Variants in UBTD1 observed in about 807,000 individuals in gnomAD.
The protein encoded by UBTD1 is ubiquitin domain containing 1.
In UBTD1, 19 loss-of-function variants were observed where a neutral mutation model predicts 21.7. That is an observed-to-expected ratio of 0.87 (90% CI 0.61 to 1.28). UBTD1 has a LOEUF of 1.28. UBTD1 is among the 50% of genes most tolerant of loss of function. UBTD1 has a pLI of 0.00. For missense variants in UBTD1, 282 were observed against 315.1 expected (o/e 0.89, Z 0.80); for synonymous variants, 116 against 135.1 (o/e 0.86, Z 0.98).
At chr10:97,526,637 G>A (rs931774096) in intron 1 of UBTD1, among the ~76,000 whole-genome samples, 3 of 152,130 alleles carry the variant, frequency 2.0e-5, no homozygotes, top group Non-Finnish European at 2.9e-5. Flanking sequence ...TATCATTTGG[G>A]GTCAGGAATT....
chr10:97,570,574 AC>A lies in UBTD1; in HGVS notation c.*54del. The A allele has an allele frequency of 6.5e-7, 1 of 1,537,262 alleles. No individual in the cohort carries two copies. The highest frequency in any genetic ancestry group is 1.4e-5 in the African/African-American group (1 of 73,086). On this transcript the variant is annotated 3_prime_UTR_variant, in exon 3 of 3. Coordinates refer to ENST00000370664, the MANE Select transcript of UBTD1 (RefSeq NM_024954.5). This position sits in a 1 kb window ranked among gnomAD's most constrained non-coding sequence, Gnocchi z 6.6. ...GCCCCGCCTGGAGCACTAGGCCCCC[AC>A]CCTGCTGCTGCCTTCCAGTGCTGTC...
chr10:97,534,587 A>G lies in UBTD1; in HGVS notation c.71-33327A>G, dbSNP rs1307222460. Among the ~76,000 whole-genome samples the G allele has an allele frequency of 1.3e-3, 187 of 144,934 alleles. 1 individual carries two copies. Among genetic ancestry groups the G allele is most frequent in the Middle Eastern group, 6.9e-3 (2 of 288 alleles). On this transcript the variant is annotated intron_variant, in intron 1 of 2. Transcript: ENST00000370664. ...AACACACACGCGCGCGCGCACACACACACACACACACACACACACACACAC... is the reference window on the plus strand; with the variant it reads ...AACACACACGCGCGCGCGCACACACGCACACACACACACACACACACACAC...
intron 2 of UBTD1, 40 bp downstream of exon 2, chr10:97,568,181 AG>A: frequency 6.2e-6 from 10 of 1,602,664 alleles, no homozygotes; most frequent in Non-Finnish European, 7.7e-6. Context: ...CGCTGGAGCT[AG>A]GGGGTCACCA....
In UBTD1 at chr10:97,570,127, C is replaced by G; in HGVS notation, c.299-11C>G. The G allele has an allele frequency of 6.3e-7, 1 of 1,591,132 alleles. No homozygotes were observed. Among genetic ancestry groups the G allele is most frequent in the Non-Finnish European group, 8.6e-7 (1 of 1,164,212 alleles). On this transcript the variant is annotated splice_polypyrimidine_tract_variant and intron_variant, in intron 2 of 2. Transcript: ENST00000370664. The surrounding 1 kb of genome is among the most constrained non-coding windows in gnomAD (Gnocchi z 6.6). ...CCCAAGCTGACTCTGACAGCCCTGC[C>G]TCTCCTACAGGCACCCTCTGTGAAT...
intron 1 of UBTD1, among the ~76,000 whole-genome samples, chr10:97,555,936 T>C (rs961956020): frequency 1.3e-5 from 2 of 151,962 alleles, no homozygotes; most frequent in African/African-American, 4.9e-5. Flanking sequence ...GTCTCTCTCT[T>C]CCCTCATTTC....
chr10:97,505,285 C>A (rs1249386300), intron 1 of UBTD1, among the ~76,000 whole-genome samples: 1 of 152,220 alleles, frequency 6.6e-6, no homozygotes, highest in Non-Finnish European at 1.5e-5. Context: ...TGTCCCCTGC[C>A]TAGTTCACAG....
chr10:97,521,186 G>T (rs1052873077), intron 1 of UBTD1, among the ~76,000 whole-genome samples: 1 of 152,192 alleles, frequency 6.6e-6, no homozygotes, highest in African/African-American at 2.4e-5. Context: ...TCTCACCTGG[G>T]ACCCGCCTTT....
intron 1 of UBTD1, among the ~76,000 whole-genome samples, chr10:97,542,365 G>C (rs1211757955): frequency 1.3e-5 from 2 of 152,244 alleles, no homozygotes; most frequent in African/African-American, 4.8e-5. Flanking sequence ...TGATGAGTCA[G>C]GTTTTTCCCT....
chr10:97,517,747 G>C (rs2040450731), intron 1 of UBTD1, among the ~76,000 whole-genome samples: 1 of 152,146 alleles, frequency 6.6e-6, no homozygotes, highest in Admixed American at 6.5e-5. Context: ...CGTGTTCCCG[G>C]TCCCTGGGGG....
At chr10:97,529,267 C>T (rs1481128525) in intron 1 of UBTD1, among the ~76,000 whole-genome samples, 2 of 151,506 alleles carry the variant, frequency 1.3e-5, no homozygotes, top group African/African-American at 4.9e-5. Context: ...AGAGACGCTC[C>T]TCACTTTCCA....
intron 1 of UBTD1, among the ~76,000 whole-genome samples, chr10:97,529,499 C>T (rs1290708803): frequency 4.6e-5 from 7 of 152,214 alleles, no homozygotes; most frequent in Non-Finnish European, 8.8e-5. Flanking sequence ...AACGAGACTC[C>T]GTCTGCAATC....
intron 1 of UBTD1, among the ~76,000 whole-genome samples, chr10:97,538,547 C>T (rs1367247206): frequency 1.3e-5 from 2 of 152,174 alleles, no homozygotes; most frequent in African/African-American, 4.8e-5. Context: ...TCAGCTTCAG[C>T]CCAGACAGTG....
intron 1 of UBTD1, among the ~76,000 whole-genome samples, chr10:97,565,276 A>G (rs1256132100): frequency 6.6e-6 from 1 of 152,204 alleles, no homozygotes; most frequent in Non-Finnish European, 1.5e-5. Context: ...ATGGCAGCAC[A>G]ACTTCTCCCA....
intron 1 of UBTD1, among the ~76,000 whole-genome samples, chr10:97,557,979 A>G (rs1480249658): frequency 6.6e-6 from 1 of 152,222 alleles, no homozygotes; most frequent in African/African-American, 2.4e-5. Flanking sequence ...TCCTTACTGT[A>G]CAAGTCTAAA....
chr10:97,533,922 CA>C (rs1162758439), intron 1 of UBTD1, among the ~76,000 whole-genome samples: 5,946 of 109,918 alleles, frequency 0.054, 297 homozygotes, highest in African/African-American at 0.17. Context: ...GACTCCATCT[CA>C]AAAAAAAAAA....
At chr10:97,519,908 G>A (rs775767553) in intron 1 of UBTD1, among the ~76,000 whole-genome samples, 1 of 151,894 alleles carries the variant, frequency 6.6e-6, no homozygotes, top group Non-Finnish European at 1.5e-5. Flanking sequence ...AGGTCTCTGA[G>A]GATGGTGCAT....
Position 97,528,550 on chromosome 10 carries a change from C to T in UBTD1, c.70+29277C>T, listed in dbSNP as rs867848331. Among the ~76,000 whole-genome samples the T allele has an allele frequency of 3.7e-4, 31 of 82,672 alleles. 1 individual carries two copies. Among genetic ancestry groups the T allele is most frequent in the Non-Finnish European group, 6.7e-4 (25 of 37,104 alleles). The allele number at this position is 82,672 out of a possible 152,430, so 54.2% of individuals were successfully genotyped here. The stretch of plus-strand genomic sequence containing the variant: ...GCTGACCCCCAACCTCCCTCCCGGA[C>T]GGGGCGGCTCGCCTGGCGGGGGGCT... On this transcript the variant is annotated intron_variant, in intron 1 of 2. Coordinates refer to ENST00000370664, the MANE Select transcript of UBTD1 (RefSeq NM_024954.5).
At chr10:97,543,020 C>T (rs563030390) in intron 1 of UBTD1, among the ~76,000 whole-genome samples, 1 of 152,250 alleles carries the variant, frequency 6.6e-6, no homozygotes, top group Non-Finnish European at 1.5e-5. Flanking sequence ...AAGTCAGAAT[C>T]CCAGGGAGCA....
At chr10:97,538,445 A>C (rs192086414) in intron 1 of UBTD1, among the ~76,000 whole-genome samples, 1 of 152,238 alleles carries the variant, frequency 6.6e-6, no homozygotes, top group Non-Finnish European at 1.5e-5. Flanking sequence ...AAGATTTCCT[A>C]AATTACACAT....
Sources: allele counts gnomAD v4.1 joint callset (sites outside exome capture counted in the v4.1 genomes callset), GRCh38; gene constraint gnomAD v4.1.1; non-coding constraint Gnocchi (gnomAD v3.1); transcripts MANE v1.5; gene names NCBI Gene and HGNC (gene_info 2026-07-23, HGNC 2026-07-21).